Variants in UBE2R2 observed in about 807,000 individuals in gnomAD.
The protein encoded by UBE2R2 is ubiquitin conjugating enzyme E2 R2, also known as ubiquitin-conjugating enzyme E2 R2.
A neutral mutation model predicts 27.8 loss-of-function variants in UBE2R2; 1 was observed. The ratio of observed to expected loss-of-function variants is 0.04; its 90% CI spans 0.01 to 0.17. The LOEUF (loss-of-function observed/expected upper bound fraction) is 0.17, where lower values mean the gene tolerates loss of function less well. Among genes scored for constraint, UBE2R2 ranks in the 10% least tolerant of loss-of-function variants. UBE2R2 has a pLI of 1.00. For synonymous variants in UBE2R2, 106 were observed against 113.3 expected (o/e 0.94, Z 0.41); for missense variants, 100 against 291.0 (o/e 0.34, Z 4.78).
intron 2 of UBE2R2, among the ~76,000 whole-genome samples, chr9:33,890,289 T>C (rs1821950284): frequency 6.6e-6 from 1 of 152,028 alleles, no homozygotes; most frequent in South Asian, 2.1e-4. Flanking sequence ...ATGTTTTGTT[T>C]TTAAAGAAGT....
intron 1 of UBE2R2, among the ~76,000 whole-genome samples, chr9:33,843,478 C>CT (rs1820774622): frequency 6.6e-6 from 1 of 151,390 alleles, no homozygotes; most frequent in Non-Finnish European, 1.5e-5. Flanking sequence ...CTTGTTTTAA[C>CT]TTTTTTGTTT....
intron 1 of UBE2R2, among the ~76,000 whole-genome samples, chr9:33,870,273 G>C (rs1294584238): frequency 6.6e-6 from 1 of 152,120 alleles, no homozygotes; most frequent in Admixed American, 6.6e-5. Context: ...CTCCTCAGTA[G>C]CTGGAATTAC....
chr9:33,863,357 C>A (rs1176890072), intron 1 of UBE2R2, among the ~76,000 whole-genome samples: 1 of 150,472 alleles, frequency 6.6e-6, no homozygotes, highest in African/African-American at 2.4e-5. Flanking sequence ...ACTAAAAATA[C>A]AAAAATAAGC....
chr9:33,848,051 G>A (rs894671776), intron 1 of UBE2R2, among the ~76,000 whole-genome samples: 1 of 151,970 alleles, frequency 6.6e-6, no homozygotes, highest in Non-Finnish European at 1.5e-5. Flanking sequence ...CACTGCGCCT[G>A]GCCTGTTGAC....
chr9:33,914,833 GAA>G (rs796226490), intron 4 of UBE2R2, among the ~76,000 whole-genome samples: 2 of 121,964 alleles, frequency 1.6e-5, no homozygotes, highest in East Asian at 2.4e-4. Context: ...CGTCTCAAAA[GAA>G]AAAAAAAAAA....
At chr9:33,825,592 A>T (rs894682583) in intron 1 of UBE2R2, among the ~76,000 whole-genome samples, 8 of 152,234 alleles carry the variant, frequency 5.3e-5, no homozygotes, top group Admixed American at 4.6e-4. Context: ...TTTCAACATA[A>T]TGATAAAATG....
chr9:33,844,223 TGAGA>T (rs1820789973), intron 1 of UBE2R2, among the ~76,000 whole-genome samples: 1 of 152,232 alleles, frequency 6.6e-6, no homozygotes, highest in African/African-American at 2.4e-5. Flanking sequence ...TAAGTATTTT[TGAGA>T]GAGTTTCACT....
chr9:33,903,479 CT>C (rs2130812881), intron 3 of UBE2R2, among the ~76,000 whole-genome samples: 1 of 152,288 alleles, frequency 6.6e-6, no homozygotes, highest in East Asian at 1.9e-4. Context: ...CAAGATTTTC[CT>C]CATTGCATTT....
chr9:33,906,484 GGATGATAT>G (rs1822359049), intron 3 of UBE2R2, among the ~76,000 whole-genome samples: 1 of 151,990 alleles, frequency 6.6e-6, no homozygotes, highest in Non-Finnish European at 1.5e-5. Context: ...CTGTCTGGAG[GGATGATAT>G]ATACATGGGA....
At chr9:33,843,485 G>T (rs1820774740) in intron 1 of UBE2R2, among the ~76,000 whole-genome samples, 2 of 145,182 alleles carry the variant, frequency 1.4e-5, no homozygotes, top group African/African-American at 2.5e-5. Context: ...TAACTTTTTT[G>T]TTTTTTTTTT....
chr9:33,869,705 C>T (rs1821442972), intron 1 of UBE2R2, among the ~76,000 whole-genome samples: 1 of 152,124 alleles, frequency 6.6e-6, no homozygotes, highest in South Asian at 2.1e-4. Context: ...CCACCTCAGC[C>T]TCCCAAAGTG....
intron 1 of UBE2R2, among the ~76,000 whole-genome samples, chr9:33,827,497 C>T (rs2130719917): frequency 6.6e-6 from 1 of 151,980 alleles, no homozygotes; most frequent in East Asian, 1.9e-4. Context: ...AAAAATTAGC[C>T]TGGTGTGGTG....
intron 2 of UBE2R2, among the ~76,000 whole-genome samples, chr9:33,899,624 T>G (rs996565007): frequency 1.2e-4 from 19 of 152,098 alleles, no homozygotes; most frequent in Admixed American, 1.2e-3. Flanking sequence ...CTGCCCACCT[T>G]GGTCTCCCAA....
intron 1 of UBE2R2, among the ~76,000 whole-genome samples, chr9:33,879,944 AAGGTT>A (rs1563998490): frequency 6.6e-6 from 1 of 151,086 alleles, no homozygotes; most frequent in African/African-American, 2.4e-5. Context: ...GTGCAGTGGC[AAGGTT>A]ATGATTCACT....
chr9:33,863,421 A>C (rs1382169260), intron 1 of UBE2R2, among the ~76,000 whole-genome samples: 1 of 151,638 alleles, frequency 6.6e-6, no homozygotes, highest in African/African-American at 2.4e-5. Context: ...CTCAGGCAGG[A>C]GAATCGCCTG....
At chr9:33,826,145 CA>C (rs36036831) in intron 1 of UBE2R2, among the ~76,000 whole-genome samples, 1,895 of 102,398 alleles carry the variant, frequency 0.019, 6 homozygotes, top group African/African-American at 0.022. Flanking sequence ...GACTCTGTCT[CA>C]AAAAAAAAAA....
chr9:33,868,571 C>A, intron 1 of UBE2R2: 1 of 152,366 alleles, frequency 6.6e-6, no homozygotes, highest in South Asian at 2.0e-4. Context: ...CGCTGCTGTC[C>A]AAGGATTGCA....
At chr9:33,861,591 C>CA (rs896043524) in intron 1 of UBE2R2, among the ~76,000 whole-genome samples, 2,420 of 143,408 alleles carry the variant, frequency 0.017, 62 homozygotes, top group African/African-American at 0.059. Flanking sequence ...GACCCTGTCT[C>CA]AAAAAAAAAA....
intron 2 of UBE2R2, among the ~76,000 whole-genome samples, chr9:33,888,852 C>T (rs890147577): frequency 5.9e-5 from 9 of 152,136 alleles, no homozygotes; most frequent in Admixed American, 2.0e-4. Context: ...ATGGAGAACT[C>T]GCTCTAGGGT....
Sources: allele counts gnomAD v4.1 joint callset (sites outside exome capture counted in the v4.1 genomes callset), GRCh38; gene constraint gnomAD v4.1.1; transcripts MANE v1.5; gene names NCBI Gene and HGNC (gene_info 2026-07-23, HGNC 2026-07-21).